Variants in JRK observed in about 807,000 individuals in gnomAD.
JRK encodes the protein Jrk helix-turn-helix protein, also known as jerky protein homolog.
For missense variants in JRK, 720 were observed against 509.2 expected (o/e 1.41, Z -3.98); for synonymous variants, 303 against 218.1 (o/e 1.39, Z -3.43).
rs1309126449 is a variant in JRK at position 142,659,151 on chromosome 8, G to A, written c.*5201C>T. 4.7e-5 allele frequency: 63 copies of A among 1,333,542 alleles called. No individual in the cohort carries two copies. The highest frequency in any genetic ancestry group is 5.6e-5 in the Non-Finnish European group (58 of 1,038,608). The allele number at this position is 1,333,542 out of a possible 1,614,324, so 82.6% of individuals were successfully genotyped here. A position where few individuals can be genotyped will look rare whatever the true frequency, so the allele number is the denominator to read the frequency against. ...GCCAAGTCCCAGCTCAAGCCTGGCAGCTCCTCCCACTGAGCCTCATGGTCA... is the reference window on the plus strand; with the variant it reads ...GCCAAGTCCCAGCTCAAGCCTGGCAACTCCTCCCACTGAGCCTCATGGTCA... On this transcript the variant is annotated 3_prime_UTR_variant, in exon 2 of 2. Transcript: ENST00000612905.
Position 142,663,129 on chromosome 8 carries a change from G to T in JRK, c.*1223C>A. 1 of 977,692 alleles carries T rather than the reference G, an allele frequency of 1.0e-6. No individual in the cohort carries two copies. The highest frequency in any genetic ancestry group is 1.2e-6 in the Non-Finnish European group (1 of 823,032). The allele number at this position is 977,692 out of a possible 1,614,324, so 60.6% of individuals were successfully genotyped here. A position where few individuals can be genotyped will look rare whatever the true frequency, so the allele number is the denominator to read the frequency against. Reference sequence around the variant, plus strand: ...GATCACACCACTTCACTCCAGCCTGGTCAACAGAGTGAGACCCTGCCTCAA... The same window carrying T: ...GATCACACCACTTCACTCCAGCCTGTTCAACAGAGTGAGACCCTGCCTCAA... On this transcript the variant is annotated 3_prime_UTR_variant, in exon 2 of 2. Coordinates refer to ENST00000612905, the MANE Select transcript of JRK (RefSeq NM_003724.4).
chr8:142,661,009 TA>T lies in JRK; in HGVS notation c.*3342del. 1.0e-6 allele frequency: 1 copy of T among 985,268 alleles called. No individual in the cohort carries two copies. Among genetic ancestry groups the T allele is most frequent in the African/African-American group, 1.7e-5 (1 of 57,304 alleles). The allele number at this position is 985,268 out of a possible 1,614,324, so 61.0% of individuals were successfully genotyped here. ...CCTTTCTTCCAATCAACTCCACCAC[TA>T]GCAATCAATCACTTGGCCCACTGGA... On this transcript the variant is annotated 3_prime_UTR_variant, in exon 2 of 2. Coordinates refer to ENST00000612905, the MANE Select transcript of JRK (RefSeq NM_003724.4).
chr8:142,644,897 G>A, the JRK span, among the ~76,000 whole-genome samples: 1 of 152,174 alleles, frequency 6.6e-6, no homozygotes, highest in Non-Finnish European at 1.5e-5. Flanking sequence ...GTTAGTTAAT[G>A]CTTCCAGAAA....
downstream of JRK, among the ~76,000 whole-genome samples, chr8:142,652,574 T>TGAATA (rs60910793): frequency 0.55 from 83,003 of 151,232 alleles, 24,019 homozygotes; most frequent in Admixed American, 0.66. Context: ...GGGGTGACTT[T>TGAATA]GAATAGGAGA....
rs587644987 is a variant in JRK, at chr8:142,658,552, C to T, written c.*5800G>A. 6 of 262,530 alleles carry T rather than the reference C, an allele frequency of 2.3e-5. No individual in the cohort carries two copies. Among genetic ancestry groups the T allele is most frequent in the Middle Eastern group, 1.3e-3 (1 of 774 alleles). The allele number at this position is 262,530 out of a possible 1,614,324, so 16.3% of individuals were successfully genotyped here. On this transcript the variant is annotated 3_prime_UTR_variant, in exon 2 of 2. Transcript: ENST00000612905. Reference sequence around the variant, plus strand: ...GCAGTTTTCTTGTATGCTCACACAGCACAAAGTGACCTCGCTCTAGTTCCT... The same window carrying T: ...GCAGTTTTCTTGTATGCTCACACAGTACAAAGTGACCTCGCTCTAGTTCCT...
chr8:142,654,989 C>G (rs1846721634), downstream of JRK, among the ~76,000 whole-genome samples: 1 of 152,154 alleles, frequency 6.6e-6, no homozygotes, highest in Non-Finnish European at 1.5e-5. Context: ...CCCAAGGTGG[C>G]TTTGAGGAGG....
At position 142,666,333 on chromosome 8, in the gene JRK, G is replaced by C. The variant is rs6997771; in HGVS notation, c.-275C>G. 1 of 559,826 alleles carries C rather than the reference G, an allele frequency of 1.8e-6. No individual in the cohort carries two copies. The highest frequency in any genetic ancestry group is 3.3e-6 in the Non-Finnish European group (1 of 302,612). 34.7% of individuals were successfully genotyped at this position (559,826 alleles called of 1,614,324 possible). On this transcript the variant is annotated 5_prime_UTR_variant, in exon 2 of 2. Coordinates refer to ENST00000612905, the MANE Select transcript of JRK (RefSeq NM_003724.4). ...CAGTCAGCTGCCAATTCTCTCTGTG[G>C]AGGAGGTGACCCTGTCAGACTCCCC... is the stretch of plus-strand genomic sequence containing the variant.
At chr8:142,667,700 T>C (rs1847175282) in intron 1 of JRK, among the ~76,000 whole-genome samples, 1 of 152,182 alleles carries the variant, frequency 6.6e-6, no homozygotes. Flanking sequence ...ACACACACCT[T>C]TGACCAATAG....
At position 142,664,461 on chromosome 8, in the gene JRK, C is replaced by T. The variant is rs782727153; in HGVS notation, c.1598G>A (p.Gly533Asp). 1.2e-6 allele frequency: 2 copies of T among 1,611,506 alleles called. No homozygotes were observed. The highest frequency in any genetic ancestry group is 2.7e-5 in the African/African-American group (2 of 74,910). ...AACCTTGACCACAGCCCCGAGGGCA[C>T]CACGCCGCCTCCTCACCTGCTGCTG... ...RSQQQVRRRR[G>D]ALGAVVKVEA... Residue 533 changes from glycine (G) to aspartate (D), a missense_variant, in exon 2 of 2, where the codon GGT becomes GAT. Transcript: ENST00000612905.
downstream of JRK, among the ~76,000 whole-genome samples, chr8:142,653,853 T>A (rs1243999491): frequency 6.6e-6 from 1 of 152,162 alleles, no homozygotes; most frequent in South Asian, 2.1e-4. Context: ...CAAACTGTCC[T>A]TGAAAAATTC....
chr8:142,660,288 C>A lies in JRK; in HGVS notation c.*4064G>T. ...TGCCCAGGCCCTGCCTCCCAGGCCA[C>A]CACCCACCCCTCACGGCTGCCACAC... is the stretch of plus-strand genomic sequence containing the variant. On this transcript the variant is annotated 3_prime_UTR_variant, in exon 2 of 2. Coordinates refer to ENST00000612905, the MANE Select transcript of JRK (RefSeq NM_003724.4). 2 of 985,790 alleles carry A rather than the reference C, an allele frequency of 2.0e-6. No individual in the cohort carries two copies. Among genetic ancestry groups the A allele is most frequent in the Non-Finnish European group, 2.4e-6 (2 of 830,210 alleles). 61.1% of individuals were successfully genotyped at this position (985,790 alleles called of 1,614,324 possible).
Position 142,665,462 on chromosome 8 carries a change from G to A in JRK, c.597C>T (p.Pro199=). ...CAGGCACAGCCCCGCCTTCCGGAGT[G>A]GGATTTGGCAGGCACCGCCAGAAAA... ...TGLFWRCLPN[P]TPEGGAVPGP... Residue 199 remains proline (P), a synonymous_variant, in exon 2 of 2, where the codon CCC becomes CCT. Transcript: ENST00000612905. 1 of 717,960 alleles carries A rather than the reference G, an allele frequency of 1.4e-6. No individual in the cohort carries two copies. 44.5% of individuals were successfully genotyped at this position (717,960 alleles called of 1,614,324 possible). A position where few individuals can be genotyped will look rare whatever the true frequency, so the allele number is the denominator to read the frequency against.
Position 142,665,646 on chromosome 8 carries a change from C to T in JRK, c.413G>A (p.Arg138His), listed in dbSNP as rs587661990. The T allele has an allele frequency of 7.0e-6, 5 of 719,022 alleles. No individual in the cohort carries two copies. The highest frequency in any genetic ancestry group is 3.0e-5 in the South Asian group (2 of 67,680). The allele number at this position is 719,022 out of a possible 1,614,324, so 44.5% of individuals were successfully genotyped here. A position where few individuals can be genotyped will look rare whatever the true frequency, so the allele number is the denominator to read the frequency against. ...TTTAATGCCGTGTCTGGCCTTAAAG[C>T]GCCAAAGCCACCCTCCGGAGAACAC... ...PCVFSGGWLW[R>H]FKARHGIKKL... Residue 138 changes from arginine (R) to histidine (H), a missense_variant, in exon 2 of 2, where the codon CGC (arginine) becomes CAC (histidine). Coordinates refer to ENST00000612905, the MANE Select transcript of JRK (RefSeq NM_003724.4).
rs1846927252 is a variant in JRK at position 142,661,895 on chromosome 8, T to TG, written c.*2456dup. 1 of 985,546 alleles carries TG rather than the reference T, an allele frequency of 1.0e-6. No individual in the cohort carries two copies. The highest frequency in any genetic ancestry group is 1.2e-6 in the Non-Finnish European group (1 of 830,016). 61.1% of individuals were successfully genotyped at this position (985,546 alleles called of 1,614,324 possible). A position where few individuals can be genotyped will look rare whatever the true frequency, so the allele number is the denominator to read the frequency against. On this transcript the variant is annotated 3_prime_UTR_variant, in exon 2 of 2. Transcript: ENST00000612905. ...ACACGGCAGTCTCCATAAAGCGTTC[T>TG]GGGGGACAGGACCGAGGCAAGAGGT...
Position 142,658,784 on chromosome 8 carries a change from TA to T in JRK, c.*5567del, listed in dbSNP as rs1281198396. The T allele has an allele frequency of 1.7e-5, 27 of 1,557,358 alleles. No individual in the cohort carries two copies. Among genetic ancestry groups the T allele is most frequent in the African/African-American group, 2.7e-5 (2 of 73,516 alleles). On this transcript the variant is annotated 3_prime_UTR_variant, in exon 2 of 2. Coordinates refer to ENST00000612905, the MANE Select transcript of JRK (RefSeq NM_003724.4). ...GAGGCCACAGACCTACCAACACCCA[TA>T]ACCTCAAGGGCACTGGTGGGGACAG...
intron 1 of JRK, among the ~76,000 whole-genome samples, 187 bp downstream of exon 1, chr8:142,669,745 G>C (rs587598360): frequency 6.7e-6 from 1 of 149,604 alleles, no homozygotes; most frequent in Admixed American, 6.6e-5. Context: ...TCCCGGGAGG[G>C]GGCGCTGCCG....
intron 1 of JRK, among the ~76,000 whole-genome samples, chr8:142,667,074 TC>T (rs1280516848): frequency 1.3e-5 from 2 of 152,178 alleles, no homozygotes; most frequent in African/African-American, 4.8e-5. Context: ...TAAACTCCTC[TC>T]TCCGACACAG....
In JRK at chr8:142,664,876, A is replaced by C. The variant is rs1554635380; in HGVS notation, c.1183T>G (p.Ser395Ala). The change falls in exon 2 of 2, where the codon TCC (serine) becomes GCC (alanine). Residue 395 changes from serine to alanine, a missense_variant. Physicochemically the swap from Ser to Ala is moderately conservative, Grantham distance 99. Transcript: ENST00000612905. ...LWPSVAFAEG[S>A]SSEEELEAEC... ...GCCTCCAACTCCTCCTCAGAGGAGGAGCCTTCGGCAAACGCAACCGACGGC... is the reference window on the plus strand; with the variant it reads ...GCCTCCAACTCCTCCTCAGAGGAGGCGCCTTCGGCAAACGCAACCGACGGC... 3.6e-6 allele frequency: 5 copies of C among 1,399,654 alleles called. No individual in the cohort carries two copies. In the Admixed American group the frequency reaches 5.1e-5, roughly 14 times the overall value. The allele number at this position is 1,399,654 out of a possible 1,614,324, so 86.7% of individuals were successfully genotyped here. A position where few individuals can be genotyped will look rare whatever the true frequency, so the allele number is the denominator to read the frequency against.
At chr8:142,647,004 G>A in the JRK span, among the ~76,000 whole-genome samples, 4 of 152,242 alleles carry the variant, frequency 2.6e-5, no homozygotes, top group East Asian at 5.8e-4. Context: ...AAAATCAGAC[G>A]GCAGAATTTA....
Sources: allele counts gnomAD v4.1 joint callset (sites outside exome capture counted in the v4.1 genomes callset), GRCh38; gene constraint gnomAD v4.1.1; transcripts MANE v1.5; gene names NCBI Gene and HGNC (gene_info 2026-07-23, HGNC 2026-07-21).